Variants in SLC24A2 observed in about 807,000 individuals in gnomAD.
SLC24A2 encodes the protein sodium/potassium/calcium exchanger 2.
SLC24A2 carries 36 observed loss-of-function variants against 62.0 expected under a neutral mutation model. That is an observed-to-expected ratio of 0.58 (90% CI 0.44 to 0.77). The LOEUF is 0.77. Ranked by LOEUF, SLC24A2 falls within the 30% of genes least tolerant of loss-of-function variation. The pLI is 0.00. For synonymous variants in SLC24A2, 358 were observed against 294.0 expected (o/e 1.22, Z -2.23); for missense variants, 846 against 817.9 (o/e 1.03, Z -0.42).
intron 2 of SLC24A2, among the ~76,000 whole-genome samples, chr9:19,711,302 A>G (rs1820708939): frequency 6.6e-6 from 1 of 152,194 alleles, no homozygotes; most frequent in Non-Finnish European, 1.5e-5. Flanking sequence ...GATTTTCTTG[A>G]GCTTTAAATT....
At chr9:19,689,530 C>T (rs781077938) in intron 2 of SLC24A2, among the ~76,000 whole-genome samples, 18 of 152,084 alleles carry the variant, frequency 1.2e-4, no homozygotes, top group African/African-American at 2.9e-4. Flanking sequence ...TGATAGATGA[C>T]GTCATGTTTA....
chr9:19,900,232 G>C, the SLC24A2 span, among the ~76,000 whole-genome samples: 1 of 152,128 alleles, frequency 6.6e-6, no homozygotes, highest in Non-Finnish European at 1.5e-5. Context: ...AGCCAGTTCT[G>C]ATGTGTGTGA....
chr9:20,131,158 C>A, the SLC24A2 span, among the ~76,000 whole-genome samples: 1 of 152,126 alleles, frequency 6.6e-6, no homozygotes, highest in African/African-American at 2.4e-5. Context: ...AAGCAATACG[C>A]GCCCTGTGCA....
At chr9:20,165,062 C>G in the SLC24A2 span, among the ~76,000 whole-genome samples, 2 of 149,920 alleles carry the variant, frequency 1.3e-5, no homozygotes, top group East Asian at 4.1e-4. Flanking sequence ...TGCAGCACAC[C>G]AGCATGGCAC....
In SLC24A2 at chr9:19,511,277, A is replaced by G. The variant is rs529359853; in HGVS notation, c.*4876T>C. The G allele has an allele frequency of 2.0e-4, 30 of 152,318 alleles. No homozygotes were observed. The highest frequency in any genetic ancestry group is 6.3e-4 in the African/African-American group (26 of 41,566). The allele number at this position is 152,318 out of a possible 1,614,324, so 9.4% of individuals were successfully genotyped here. A position where few individuals can be genotyped will look rare whatever the true frequency, so the allele number is the denominator to read the frequency against. On this transcript the variant is annotated 3_prime_UTR_variant, in exon 11 of 11. Transcript: ENST00000341998. ...AAAATATGAAGCTCTGAGATTAAAAATGAAACGCAAAGACAGAGGCAGAGG... is the reference window on the plus strand; with the variant it reads ...AAAATATGAAGCTCTGAGATTAAAAGTGAAACGCAAAGACAGAGGCAGAGG...
At chr9:20,305,178 G>C in the SLC24A2 span, among the ~76,000 whole-genome samples, 1 of 146,252 alleles carries the variant, frequency 6.8e-6, no homozygotes, top group African/African-American at 2.6e-5. Context: ...GCACAATCTC[G>C]TCTCCCTGCA....
At chr9:19,529,794 AGGCTGGAGTGCAGT>A (rs1833615476) in intron 8 of SLC24A2, among the ~76,000 whole-genome samples, 1 of 146,202 alleles carries the variant, frequency 6.8e-6, no homozygotes, top group African/African-American at 2.5e-5. Context: ...TCGGTCACCC[AGGCTGGAGTGCAGT>A]GGCATGATCT....
chr9:19,648,882 G>T (rs1166910677), intron 2 of SLC24A2, among the ~76,000 whole-genome samples: 2 of 151,704 alleles, frequency 1.3e-5, no homozygotes, highest in Non-Finnish European at 2.9e-5. Context: ...AGCTAGAATA[G>T]GGAAGGAAAT....
the SLC24A2 span, among the ~76,000 whole-genome samples, chr9:20,218,460 C>T: frequency 2.0e-5 from 3 of 152,070 alleles, no homozygotes; most frequent in Admixed American, 6.5e-5. Context: ...CTGCTTGTGT[C>T]GGAATGTGTG....
At chr9:19,526,087 T>G (rs892645844) in intron 9 of SLC24A2, among the ~76,000 whole-genome samples, 1 of 152,210 alleles carries the variant, frequency 6.6e-6, no homozygotes, top group Non-Finnish European at 1.5e-5. Context: ...GTATACTTCA[T>G]ATAAATGAAA....
At chr9:20,222,595 T>A in the SLC24A2 span, among the ~76,000 whole-genome samples, 1 of 152,016 alleles carries the variant, frequency 6.6e-6, no homozygotes, top group Non-Finnish European at 1.5e-5. Context: ...ACGCAAAATC[T>A]TAAATAAAGT....
the SLC24A2 span, among the ~76,000 whole-genome samples, chr9:20,068,679 G>T: frequency 1.3e-5 from 2 of 152,106 alleles, no homozygotes; most frequent in East Asian, 3.9e-4. Context: ...GGGGGTGCTG[G>T]ATGATGTCTC....
chr9:20,124,387 G>T, the SLC24A2 span, among the ~76,000 whole-genome samples: 1 of 151,262 alleles, frequency 6.6e-6, no homozygotes, highest in Admixed American at 6.6e-5. Flanking sequence ...AAAAGAAGAA[G>T]AAGAAAAAAG....
At chr9:20,164,148 A>G in the SLC24A2 span, among the ~76,000 whole-genome samples, 10 of 152,314 alleles carry the variant, frequency 6.6e-5, no homozygotes, top group African/African-American at 2.2e-4. Flanking sequence ...TCATTAAACT[A>G]AAGACCTTCT....
chr9:20,131,570 T>G, the SLC24A2 span, among the ~76,000 whole-genome samples: 107 of 152,250 alleles, frequency 7.0e-4, 1 homozygote, highest in Non-Finnish European at 1.8e-4. Flanking sequence ...AGAAGTAAGA[T>G]TCAGGAGCTT....
intron 2 of SLC24A2, among the ~76,000 whole-genome samples, chr9:19,758,937 A>G (rs2118843081): frequency 6.6e-6 from 1 of 152,224 alleles, no homozygotes; most frequent in African/African-American, 2.4e-5. Context: ...ACCGCAATGC[A>G]CCTTCCTTCT....
chr9:20,282,406 A>C, the SLC24A2 span, among the ~76,000 whole-genome samples: 14 of 152,208 alleles, frequency 9.2e-5, no homozygotes, highest in South Asian at 4.1e-4. Flanking sequence ...TTATACATAC[A>C]TATTATGTGT....
At chr9:20,089,011 C>G in the SLC24A2 span, among the ~76,000 whole-genome samples, 1 of 152,186 alleles carries the variant, frequency 6.6e-6, no homozygotes, top group African/African-American at 2.4e-5. Flanking sequence ...GATCCCATAG[C>G]TTCTCACTGG....
At chr9:20,258,220 CT>C in the SLC24A2 span, among the ~76,000 whole-genome samples, 10 of 152,152 alleles carry the variant, frequency 6.6e-5, no homozygotes, top group African/African-American at 2.4e-4. Context: ...TCAATTTTGG[CT>C]GTTAACTTGA....
Sources: allele counts gnomAD v4.1 joint callset (sites outside exome capture counted in the v4.1 genomes callset), GRCh38; gene constraint gnomAD v4.1.1; transcripts MANE v1.5; gene names NCBI Gene and HGNC (gene_info 2026-07-23, HGNC 2026-07-21).